The following SYNE2 variants were observed in gnomAD, a reference collection of about 807,000 sequenced individuals.
SYNE2 encodes the protein spectrin repeat containing nuclear envelope protein 2.
SYNE2 carries 431 observed loss-of-function variants against 856.3 expected under a neutral mutation model. The observed-to-expected ratio is 0.50, with a 90% CI of 0.47 to 0.55. The LOEUF is 0.55. SYNE2 is among the 20% of genes least tolerant of loss of function. SYNE2 has a pLI of 0.00. For missense variants in SYNE2, 8,129 were observed against 8,023.2 expected, an observed-to-expected ratio of 1.01 and a Z score of -0.50; for synonymous variants, 2,923 against 2,872.3, an observed-to-expected ratio of 1.02 and a Z score of -0.56.
intron 2 of SYNE2, among the ~76,000 whole-genome samples, chr14:63,929,674 A>C (rs1161248055): frequency 6.6e-6 from 1 of 151,840 alleles, no homozygotes; most frequent in East Asian, 1.9e-4. Flanking sequence ...GGGAGGCTGA[A>C]GCAGGAGAAT....
intron 1 of SYNE2, among the ~76,000 whole-genome samples, chr14:63,838,811 C>T (rs1889948287): frequency 6.6e-6 from 1 of 151,530 alleles, no homozygotes; most frequent in African/African-American, 2.4e-5. Context: ...GTTTCCTAGC[C>T]TACGTGTACA....
intron 1 of SYNE2, among the ~76,000 whole-genome samples, chr14:63,869,469 A>T (rs1425111073): frequency 6.6e-6 from 1 of 151,704 alleles, no homozygotes; most frequent in African/African-American, 2.4e-5. Context: ...TAAAAATACA[A>T]AAATTAGCCG....
intron 8 of SYNE2, chr14:63,960,643 A>C: frequency 1.6e-6 from 1 of 610,024 alleles, no homozygotes; most frequent in Non-Finnish European, 3.0e-6. Flanking sequence ...TTGCTTGTTT[A>C]GGTCAAGAAA....
intron 1 of SYNE2, among the ~76,000 whole-genome samples, chr14:63,765,711 G>A (rs1566552648): frequency 2.0e-5 from 3 of 152,076 alleles, no homozygotes; most frequent in African/African-American, 7.2e-5. Context: ...TAGTAATAAT[G>A]GTTGAGTTAA....
At chr14:64,038,129 C>G (rs1351316869) in intron 45 of SYNE2, among the ~76,000 whole-genome samples, 45 of 149,030 alleles carry the variant, frequency 3.0e-4, no homozygotes, top group Non-Finnish European at 5.7e-4. Context: ...AGACGGGGTC[C>G]CGGCCGGGCA....
At chr14:63,766,304 C>A (rs1886684794) in intron 1 of SYNE2, among the ~76,000 whole-genome samples, 1 of 151,858 alleles carries the variant, frequency 6.6e-6, no homozygotes, top group South Asian at 2.1e-4. Flanking sequence ...GGTCTTGAAC[C>A]CCTGACCTCA....
At chr14:63,871,512 T>G (rs1896844877) in intron 1 of SYNE2, among the ~76,000 whole-genome samples, 1 of 151,924 alleles carries the variant, frequency 6.6e-6, no homozygotes. Context: ...CTGGCGAGAT[T>G]TGAATTTTTT....
intron 1 of SYNE2, among the ~76,000 whole-genome samples, chr14:63,884,057 G>C (rs8023195): frequency 0.13 from 20,294 of 152,170 alleles, 1,446 homozygotes; most frequent in African/African-American, 0.19. Context: ...AGCCGCTCAG[G>C]GCGAAGCTTA....
chr14:63,846,680 C>A (rs373257567), intron 1 of SYNE2, among the ~76,000 whole-genome samples: 333 of 152,050 alleles, frequency 2.2e-3, no homozygotes, highest in Non-Finnish European at 4.1e-3. Flanking sequence ...ACTGCAACCT[C>A]TGCATCCTGG....
At chr14:63,860,030 C>CTATCT (rs1244252843) in intron 1 of SYNE2, among the ~76,000 whole-genome samples, 1 of 134,330 alleles carries the variant, frequency 7.4e-6, no homozygotes, top group Non-Finnish European at 1.5e-5. Context: ...CTTTGTTGCC[C>CTATCT]AGCTGGCTGG....
chr14:64,000,528 T>G (rs745824091), intron 27 of SYNE2, 34 bp from the exon 28 acceptor site: 3 of 1,579,732 alleles, frequency 1.9e-6, no homozygotes, highest in Non-Finnish European at 2.6e-6. Context: ...ATTAACCCCA[T>G]TAGTTGATAA....
rs545126582 is a variant in SYNE2 at position 64,046,282 on chromosome 14, A to G, written c.7222-1718A>G. 2.6e-5 allele frequency among the ~76,000 whole-genome samples: 4 copies of G among 152,354 alleles called. No individual in the cohort carries two copies. The East Asian group carries it at 7.7e-4, about 29-fold the overall frequency. ...CAGAAAAGGTCAAATTACCTCGTAT[A>G]TAACTTGTTCTGCCTTACCTAGGTT... On this transcript the variant is annotated intron_variant, in intron 45 of 115. Coordinates refer to ENST00000555002, the MANE Select transcript of SYNE2 (RefSeq NM_182914.3).
chr14:64,136,804 A>G (rs1409374705), intron 78 of SYNE2, among the ~76,000 whole-genome samples: 2 of 152,182 alleles, frequency 1.3e-5, no homozygotes, highest in African/African-American at 2.4e-5. Flanking sequence ...GAGAAATACT[A>G]TTTTATTTAT....
At chr14:64,039,463 G>A (rs1567128240) in intron 45 of SYNE2, among the ~76,000 whole-genome samples, 2 of 152,164 alleles carry the variant, frequency 1.3e-5, no homozygotes, top group Non-Finnish European at 2.9e-5. Flanking sequence ...TCAAAATGTC[G>A]TGGTCCTGCC....
chr14:64,102,957 C>G (rs1384501585), intron 64 of SYNE2, among the ~76,000 whole-genome samples: 2 of 152,108 alleles, frequency 1.3e-5, no homozygotes, highest in Non-Finnish European at 2.9e-5. Context: ...TCCGGTTCAT[C>G]CATATTGTCA....
chr14:63,948,156 GACACACACATACACAC>G (rs911527986), intron 6 of SYNE2, among the ~76,000 whole-genome samples: 3 of 124,414 alleles, frequency 2.4e-5, no homozygotes, highest in African/African-American at 8.6e-5. Context: ...TACACACACA[GACACACACATACACAC>G]ACACACACAC....
At chr14:63,991,236 C>T (rs1737686759) in intron 21 of SYNE2, 121 bp downstream of exon 21, 1 of 1,042,278 alleles carries the variant, frequency 9.6e-7, no homozygotes, top group Non-Finnish European at 1.4e-6. Context: ...AAAAGAATTT[C>T]CCAGTATTCT....
chr14:63,824,163 A>G (rs988109704), intron 1 of SYNE2, among the ~76,000 whole-genome samples: 2 of 152,072 alleles, frequency 1.3e-5, no homozygotes, highest in Admixed American at 6.6e-5. Context: ...ACATAATCAA[A>G]CCCCATCTCT....
At position 63,998,175 on chromosome 14, in the gene SYNE2, G is replaced by A. The variant is rs2096727377; in HGVS notation, c.3244-44G>A. The A allele has an allele frequency of 2.3e-6, 3 of 1,310,596 alleles. No individual in the cohort carries two copies. The South Asian group carries it at 3.5e-5, about 15-fold the overall frequency. The allele number at this position is 1,310,596 out of a possible 1,614,324, so 81.2% of individuals were successfully genotyped here. ...AGCATTTATCTTTTCCAGATAAAAAGTATGTTTAAGATATTTCGTTTACTA... is the reference window on the plus strand; with the variant it reads ...AGCATTTATCTTTTCCAGATAAAAAATATGTTTAAGATATTTCGTTTACTA... On this transcript the variant is annotated intron_variant, in intron 25 of 115. Transcript: ENST00000555002.
Sources: gnomAD v4.1 joint callset for allele counts (sites outside exome capture counted in the v4.1 genomes callset) on GRCh38, gnomAD v4.1.1 for gene constraint, MANE v1.5 for transcripts, NCBI Gene and HGNC (gene_info 2026-07-23, HGNC 2026-07-21) for gene names.